The following TTLL7 variants were observed in gnomAD, a reference collection of about 807,000 sequenced individuals.
The protein encoded by TTLL7 is tubulin polyglutamylase TTLL7.
In TTLL7, 53 loss-of-function variants were observed where a neutral mutation model predicts 120.2. The ratio of observed to expected loss-of-function variants is 0.44; its 90% confidence interval spans 0.35 to 0.55. The LOEUF is 0.55. TTLL7 is among the 20% of genes least tolerant of loss of function. The probability of loss-of-function intolerance (pLI) is 0.00; values close to 1 mark genes in which losing one functional copy is unlikely to be tolerated. For synonymous variants in TTLL7, 353 were observed against 351.7 expected, an observed-to-expected ratio of 1.00 and a Z score of -0.04; for missense variants, 803 against 1,054.7, an observed-to-expected ratio of 0.76 and a Z score of 3.31.
chr1:83,985,292 G>A (rs1238719939), intron 1 of TTLL7, among the ~76,000 whole-genome samples: 1 of 152,190 alleles, frequency 6.6e-6, no homozygotes, highest in African/African-American at 2.4e-5. Flanking sequence ...GCAGTTTGAG[G>A]TCCAAAGGGC....
intron 8 of TTLL7, among the ~76,000 whole-genome samples, chr1:83,935,017 T>C (rs1647264347): frequency 6.6e-6 from 1 of 152,132 alleles, no homozygotes; most frequent in Non-Finnish European, 1.5e-5. Flanking sequence ...ATTTATTCTA[T>C]GGGTGATAAA....
intron 8 of TTLL7, among the ~76,000 whole-genome samples, chr1:83,935,965 C>T (rs1647339018): frequency 6.6e-6 from 1 of 152,064 alleles, no homozygotes; most frequent in Admixed American, 6.6e-5. Context: ...GATTTATTAA[C>T]TGATTGTTTA....
chr1:83,875,162 C>A (rs935048920), intron 20 of TTLL7, among the ~76,000 whole-genome samples: 1 of 151,898 alleles, frequency 6.6e-6, no homozygotes, highest in Non-Finnish European at 1.5e-5. Context: ...TACCCTCCCT[C>A]CTCATAAAGT....
intron 12 of TTLL7, among the ~76,000 whole-genome samples, chr1:83,920,883 A>AC (rs1411800457): frequency 6.6e-6 from 1 of 152,010 alleles, no homozygotes; most frequent in African/African-American, 2.4e-5. Context: ...TCCTACAACC[A>AC]CCCAGAGGCT....
At chr1:83,934,868 G>GA (rs1256725041) in intron 8 of TTLL7, among the ~76,000 whole-genome samples, 2 of 151,938 alleles carry the variant, frequency 1.3e-5, no homozygotes, top group African/African-American at 2.4e-5. Flanking sequence ...GTTAATGTAA[G>GA]AAAAAAATGA....
At position 83,922,324 on chromosome 1, in the gene TTLL7, A is replaced by C. The variant is rs76577129; in HGVS notation, c.1143-930T>G. ...CAGATAAGAGTGTAAACCAAAGGAA[A>C]GGCGACAAGAAGGCCATTTGGCTAG... On this transcript the variant is annotated intron_variant, in intron 10 of 20. Coordinates refer to ENST00000260505, the MANE Select transcript of TTLL7 (RefSeq NM_024686.6). Among the ~76,000 whole-genome samples, 42 of 152,322 alleles carry C rather than the reference A, an allele frequency of 2.8e-4. 4 individuals are homozygous for C. In the East Asian group the frequency reaches 7.1e-3, roughly 26 times the overall value.
At chr1:83,883,853 A>G (rs774706851) in intron 19 of TTLL7, among the ~76,000 whole-genome samples, 1 of 151,962 alleles carries the variant, frequency 6.6e-6, no homozygotes, top group Admixed American at 6.6e-5. Context: ...ACTTTCAGAC[A>G]TAACTATATC....
chr1:83,988,777 C>G (rs1464364201), intron 1 of TTLL7, among the ~76,000 whole-genome samples: 1 of 151,932 alleles, frequency 6.6e-6, no homozygotes, highest in Non-Finnish European at 1.5e-5. Context: ...GGCACGATCT[C>G]AGCTCACTGC....
chr1:83,893,469 T>A (rs1053213747), intron 18 of TTLL7, among the ~76,000 whole-genome samples: 25 of 152,196 alleles, frequency 1.6e-4, no homozygotes, highest in Non-Finnish European at 3.5e-4. Context: ...TATCTAGCTC[T>A]ATAATTATGG....
At chr1:83,955,643 C>A (rs1649442291) in intron 1 of TTLL7, among the ~76,000 whole-genome samples, 1 of 152,178 alleles carries the variant, frequency 6.6e-6, no homozygotes, top group Non-Finnish European at 1.5e-5. Context: ...AAATAAATTT[C>A]TATTGTTTAT....
At chr1:83,936,314 C>T (rs1647391077) in intron 8 of TTLL7, among the ~76,000 whole-genome samples, 2 of 152,002 alleles carry the variant, frequency 1.3e-5, no homozygotes, top group Non-Finnish European at 2.9e-5. Flanking sequence ...AGACATGTCC[C>T]CAAAGAGCCA....
chr1:83,884,146 G>C (rs1654762774), intron 19 of TTLL7, among the ~76,000 whole-genome samples: 1 of 151,700 alleles, frequency 6.6e-6, no homozygotes, highest in Non-Finnish European at 1.5e-5. Context: ...GGGAGAGAGA[G>C]AGAGAGAGAG....
intron 1 of TTLL7, among the ~76,000 whole-genome samples, chr1:83,972,071 G>C (rs1034398231): frequency 6.6e-5 from 10 of 152,030 alleles, no homozygotes; most frequent in Middle Eastern, 3.4e-3. Flanking sequence ...TCCACCACCA[G>C]AGTGATACAT....
In TTLL7 at chr1:83,933,679, C is replaced by G. The variant is rs1483452719; in HGVS notation, c.976G>C (p.Glu326Gln). Reference protein sequence around the residue: ...MCRPGQPPGSESVCFEVLGFD... With the variant: ...MCRPGQPPGSQSVCFEVLGFD... ...CCCAGGACTTCAAAGCAGACACTTT[C>G]GCTTCCTGGAGGTTGACCAGGTCTA... The change falls in exon 9 of 21, where the codon GAA (glutamate) becomes CAA (glutamine). Residue 326 changes from glutamate to glutamine, a missense_variant. Coordinates refer to ENST00000260505, the MANE Select transcript of TTLL7 (RefSeq NM_024686.6). 2 of 1,613,650 alleles carry G rather than the reference C, an allele frequency of 1.2e-6. No homozygotes were observed. The highest frequency in any genetic ancestry group is 1.7e-6 in the Non-Finnish European group (2 of 1,179,770).
chr1:83,889,293 A>G lies in TTLL7; in HGVS notation c.2369+1028T>C, dbSNP rs993724626. Among the ~76,000 whole-genome samples the G allele has an allele frequency of 4.6e-5, 7 of 152,100 alleles. No homozygotes were observed. The East Asian group carries it at 1.4e-3, about 29-fold the overall frequency. On this transcript the variant is annotated intron_variant, in intron 19 of 20. Transcript: ENST00000260505. The stretch of plus-strand genomic sequence containing the variant: ...CAGCATGGGGGTAACCATCCCCATG[A>G]TTCAATTACCTCCCACCAGGTCCCT...
At chr1:83,994,002 T>C (rs1190736006) in intron 1 of TTLL7, among the ~76,000 whole-genome samples, 1 of 152,222 alleles carries the variant, frequency 6.6e-6, no homozygotes, top group Non-Finnish European at 1.5e-5. Context: ...AGATAATGCC[T>C]GAGAGAAATG....
chr1:83,952,350 A>G lies in TTLL7; in HGVS notation c.-139T>C. 1 of 797,526 alleles carries G rather than the reference A, an allele frequency of 1.3e-6. No homozygotes were observed. Among genetic ancestry groups the G allele is most frequent in the Non-Finnish European group, 1.9e-6 (1 of 527,738 alleles). 49.4% of individuals were successfully genotyped at this position (797,526 alleles called of 1,614,324 possible). On this transcript the variant is annotated 5_prime_UTR_variant, in exon 2 of 21. Transcript: ENST00000260505. ...ATCATATTATCTTGGTGGAATCCTCAGATTTCAGGATACCAAAGTTATGGG... is the reference window on the plus strand; with the variant it reads ...ATCATATTATCTTGGTGGAATCCTCGGATTTCAGGATACCAAAGTTATGGG...
intron 18 of TTLL7, among the ~76,000 whole-genome samples, chr1:83,896,487 A>T (rs944992198): frequency 1.3e-5 from 2 of 152,104 alleles, no homozygotes; most frequent in African/African-American, 4.8e-5. Flanking sequence ...CACGAGGTGA[A>T]GGCGGTTTAG....
rs1258140698 is a variant in TTLL7, at chr1:83,884,604, T to C, written c.2370-1468A>G. ...CTGAAATGTTCAGGACTAAATATAA[T>C]AGGCTTTTAAAATACTGGTGTTTTT... On this transcript the variant is annotated intron_variant, in intron 19 of 20. Transcript: ENST00000260505. Among the ~76,000 whole-genome samples the C allele has an allele frequency of 2.0e-5, 3 of 151,414 alleles. No individual in the cohort carries two copies. In the East Asian group the frequency reaches 5.9e-4, roughly 30 times the overall value.
Sources: gnomAD v4.1 joint callset for allele counts (sites outside exome capture counted in the v4.1 genomes callset) on GRCh38, gnomAD v4.1.1 for gene constraint, MANE v1.5 for transcripts, NCBI Gene and HGNC (gene_info 2026-07-23, HGNC 2026-07-21) for gene names.